Variants in KCNU1 observed in about 807,000 individuals in gnomAD.
The protein encoded by KCNU1 is potassium channel subfamily U member 1.
A neutral mutation model predicts 126.8 loss-of-function variants in KCNU1; 93 were observed. The ratio of observed to expected loss-of-function variants is 0.73; its 90% CI spans 0.62 to 0.87. The LOEUF is 0.87. Among genes scored for constraint, KCNU1 ranks in the 40% least tolerant of loss-of-function variants. The pLI is 0.00. For synonymous variants in KCNU1, 523 were observed against 494.2 expected, an observed-to-expected ratio of 1.06 and a Z score of -0.77; for missense variants, 1,330 against 1,367.1, an observed-to-expected ratio of 0.97 and a Z score of 0.43.
At chr8:36,933,124 A>C in intron 26 of KCNU1, 92 bp downstream of exon 26, 3 of 789,530 alleles carry the variant, frequency 3.8e-6, no homozygotes, top group Non-Finnish European at 6.4e-6. Context: ...TCCAGAGCTC[A>C]GGGTCCACAG....
intron 8 of KCNU1, among the ~76,000 whole-genome samples, chr8:36,814,595 T>C (rs753209956): frequency 6.6e-6 from 1 of 152,148 alleles, no homozygotes; most frequent in African/African-American, 2.4e-5. Flanking sequence ...TGAAGGATAG[T>C]AGGCAAAGGA....
At chr8:36,858,707 G>A (rs1805622469) in intron 18 of KCNU1, among the ~76,000 whole-genome samples, 1 of 152,102 alleles carries the variant, frequency 6.6e-6, no homozygotes, top group Non-Finnish European at 1.5e-5. Flanking sequence ...TTTAAAACAG[G>A]AAGTTGCTCT....
chr8:36,826,718 TA>T (rs201168330), intron 10 of KCNU1, among the ~76,000 whole-genome samples: 1 of 151,934 alleles, frequency 6.6e-6, no homozygotes, highest in Non-Finnish European at 1.5e-5. Flanking sequence ...TTCTTTTTTT[TA>T]AAAAAAGTAA....
intron 2 of KCNU1, among the ~76,000 whole-genome samples, chr8:36,795,054 T>G (rs1803043921): frequency 6.6e-6 from 1 of 152,238 alleles, no homozygotes; most frequent in Non-Finnish European, 1.5e-5. Context: ...ACGTTTCCTC[T>G]TTGCAAGGAG....
In KCNU1 at chr8:36,911,210, G is replaced by A. The variant is rs545263759; in HGVS notation, c.2521+91G>A. 1.2e-4 allele frequency: 126 copies of A among 1,072,484 alleles called. 1 individual carries two copies. The African/African-American group carries it at 1.5e-3, about 13-fold the overall frequency. The allele number at this position is 1,072,484 out of a possible 1,614,324, so 66.4% of individuals were successfully genotyped here. A position where few individuals can be genotyped will look rare whatever the true frequency, so the allele number is the denominator to read the frequency against. On this transcript the variant is annotated intron_variant, in intron 22 of 26. Transcript: ENST00000399881. ...CTTTGAAGTATTTTAATTATGGGGA[G>A]CAGGAGGGTGGGCCAGATGTCCTCT... is the stretch of plus-strand genomic sequence containing the variant.
At chr8:36,821,494 A>G (rs1199478756) in intron 10 of KCNU1, among the ~76,000 whole-genome samples, 1 of 152,156 alleles carries the variant, frequency 6.6e-6, no homozygotes. Flanking sequence ...AGATGTATTT[A>G]GGAGCCCCCA....
chr8:36,827,480 T>C (rs934412031), intron 10 of KCNU1, among the ~76,000 whole-genome samples: 1 of 152,160 alleles, frequency 6.6e-6, no homozygotes, highest in African/African-American at 2.4e-5. Context: ...GGGAAGAAAA[T>C]TGGACTCAAC....
chr8:36,792,658 A>T (rs1802945008), intron 2 of KCNU1, among the ~76,000 whole-genome samples: 1 of 152,210 alleles, frequency 6.6e-6, no homozygotes, highest in South Asian at 2.1e-4. Flanking sequence ...ACTGACACAT[A>T]TCTCATAGAA....
intron 22 of KCNU1, among the ~76,000 whole-genome samples, chr8:36,913,750 C>T (rs1024375042): frequency 2.6e-5 from 4 of 151,914 alleles, no homozygotes; most frequent in East Asian, 1.9e-4. Flanking sequence ...TACAGGCACC[C>T]GCCACCATGC....
chr8:36,901,213 A>G (rs1274503079), intron 19 of KCNU1, among the ~76,000 whole-genome samples: 4 of 152,168 alleles, frequency 2.6e-5, no homozygotes, highest in Non-Finnish European at 5.9e-5. Context: ...TGACAAATTT[A>G]CATTCTTGGA....
intron 10 of KCNU1, among the ~76,000 whole-genome samples, chr8:36,823,396 A>G (rs779174367): frequency 6.6e-6 from 1 of 152,122 alleles, no homozygotes; most frequent in Non-Finnish European, 1.5e-5. Context: ...GATGGTATTT[A>G]TTAACCATCA....
chr8:36,801,767 C>A lies in KCNU1; in HGVS notation c.316-2260C>A, dbSNP rs550168493. Among the ~76,000 whole-genome samples, 4 of 152,026 alleles carry A rather than the reference C, an allele frequency of 2.6e-5. No individual in the cohort carries two copies. The South Asian group carries it at 8.3e-4, about 32-fold the overall frequency. On this transcript the variant is annotated intron_variant, in intron 2 of 26. Transcript: ENST00000399881. ...TTGCAACTGAATATCTGCATGAAAC[C>A]GTCAAACTTAGTACTATCTTCATCA...
rs372044676 is a variant in KCNU1 at position 36,911,006 on chromosome 8, C to A, written c.2408C>A (p.Pro803Gln). 127 of 1,613,652 alleles carry A rather than the reference C, an allele frequency of 7.9e-5. 1 individual carries two copies. The highest frequency in any genetic ancestry group is 4.2e-4 in the South Asian group (38 of 91,054). ...QCSMCAVLSP[P>Q]PQPSSNQTLV... ...TCCATGTGTGCTGTCTTGTCCCCCCCACCCCAGCCATCAAGCAACCAGACT... is the reference window on the plus strand; with the variant it reads ...TCCATGTGTGCTGTCTTGTCCCCCCAACCCCAGCCATCAAGCAACCAGACT... Residue 803 changes from proline to glutamine, a missense_variant, in exon 22 of 27, where the codon CCA becomes CAA. Pro to Gln is a moderately conservative substitution (Grantham distance 76, BLOSUM62 -1). Around this residue, in one of 3 missense-constraint regions of KCNU1, gnomAD observed 1,054 missense variants for 1,053.9 expected, o/e 1.00. Coordinates refer to ENST00000399881, the MANE Select transcript of KCNU1 (RefSeq NM_001031836.3).
Position 36,859,031 on chromosome 8 carries a change from A to C in KCNU1, c.1892-5373A>C, listed in dbSNP as rs193013553. On this transcript the variant is annotated intron_variant, in intron 18 of 26. Transcript: ENST00000399881. ...GTACTGAGATTCTAAAGCAACAAGC[A>C]GCAAATGATCAACTGTTACTGACTT... Among the ~76,000 whole-genome samples, 201 of 152,332 alleles carry C rather than the reference A, an allele frequency of 1.3e-3. 2 individuals carry two copies. Among genetic ancestry groups the C allele is most frequent in the South Asian group, 1.9e-3 (9 of 4,830 alleles).
intron 19 of KCNU1, among the ~76,000 whole-genome samples, chr8:36,885,326 G>A (rs1022236207): frequency 6.6e-6 from 1 of 151,718 alleles, no homozygotes. Flanking sequence ...AGGCCGAGGC[G>A]GGCAGATCCC....
At chr8:36,801,462 G>T in intron 2 of KCNU1, among the ~76,000 whole-genome samples, 1 of 149,532 alleles carries the variant, frequency 6.7e-6, no homozygotes, top group South Asian at 2.1e-4. Flanking sequence ...GTACTTACAT[G>T]TTTCTGTTCA....
intron 19 of KCNU1, among the ~76,000 whole-genome samples, chr8:36,902,704 C>T (rs1258595540): frequency 3.3e-5 from 5 of 152,012 alleles, no homozygotes; most frequent in African/African-American, 4.8e-5. Context: ...TTCATCAATG[C>T]TCCAAATCCT....
At chr8:36,888,879 C>T (rs952180483) in intron 19 of KCNU1, 2 of 432,366 alleles carry the variant, frequency 4.6e-6, no homozygotes, top group Admixed American at 3.0e-5. Flanking sequence ...ACTACTAGTT[C>T]CATTTTTTTT....
intron 5 of KCNU1, 59 bp from the exon 6 acceptor site, chr8:36,807,315 AG>A: frequency 8.9e-7 from 1 of 1,127,252 alleles, no homozygotes; most frequent in Non-Finnish European, 1.4e-6. Flanking sequence ...GTTATAACGT[AG>A]GCTCCCTCTG....
Sources: gnomAD v4.1 joint callset for allele counts (sites outside exome capture counted in the v4.1 genomes callset) on GRCh38, gnomAD v4.1.1 for gene constraint, gnomAD v4.1.1 regional missense constraint, MANE v1.5 for transcripts, NCBI Gene and HGNC (gene_info 2026-07-23, HGNC 2026-07-21) for gene names.